Variants in HNF1A observed in about 807,000 individuals in gnomAD.
The protein encoded by HNF1A is hepatocyte nuclear factor 1-alpha.
Under a neutral mutation model 62.2 loss-of-function variants are expected in HNF1A, and 21 were observed. That is an observed-to-expected ratio of 0.34 (90% CI 0.24 to 0.49). HNF1A has a LOEUF of 0.49. Ranked by LOEUF, HNF1A falls within the 20% of genes least tolerant of loss-of-function variation. The pLI is 0.99. For missense variants in HNF1A, 687 were observed against 832.3 expected, an observed-to-expected ratio of 0.83 and a Z score of 2.15; for synonymous variants, 374 against 366.8, an observed-to-expected ratio of 1.02 and a Z score of -0.22.
Position 120,999,359 on chromosome 12 carries a change from C to T in HNF1A, c.1593C>T (p.Ser531=), listed in dbSNP as rs370300688. Residue 531 remains serine (S), a synonymous_variant, in exon 8 of 10, where the codon AGC becomes AGT. Transcript: ENST00000257555. ...TCATCACCGACACCACCAACCTGAG[C>T]GCCCTGGCCAGCCTCACGCCCACCA... ...TMLITDTTNL[S]ALASLTPTKQ... 113 of 1,614,078 alleles carry T rather than the reference C, an allele frequency of 7.0e-5. No individual in the cohort carries two copies. Among genetic ancestry groups the T allele is most frequent in the East Asian group, 1.6e-4 (7 of 44,882 alleles).
chr12:120,996,200 T>C lies in HNF1A; in HGVS notation c.956-62T>C. 14 of 1,593,580 alleles carry C rather than the reference T, an allele frequency of 8.8e-6. No individual in the cohort carries two copies. Among genetic ancestry groups the C allele is most frequent in the Non-Finnish European group, 1.2e-5 (14 of 1,163,896 alleles). ...CAATGGAGTTTGAAGTGCTGAGGGC[T>C]GTGGAGGCAGGGGAGGGCAGGGAAG... On this transcript the variant is annotated intron_variant, in intron 4 of 9. Coordinates refer to ENST00000257555, the MANE Select transcript of HNF1A (RefSeq NM_000545.8). This position sits in a 1 kb window ranked among gnomAD's most constrained non-coding sequence, Gnocchi z 4.5.
At position 120,978,757 on chromosome 12, in the gene HNF1A, G is replaced by T. The variant is rs1188743327; in HGVS notation, c.-12G>T. 1 of 1,612,220 alleles carries T rather than the reference G, an allele frequency of 6.2e-7. No homozygotes were observed. Among genetic ancestry groups the T allele is most frequent in the Non-Finnish European group, 8.5e-7 (1 of 1,179,608 alleles). ...GTGGACCCGGGCCGCGTGGCCCTGT[G>T]GCAGCCGAGCCATGGTTTCTAAACT... On this transcript the variant is annotated 5_prime_UTR_variant, in exon 1 of 10. Coordinates refer to ENST00000257555, the MANE Select transcript of HNF1A (RefSeq NM_000545.8).
chr12:120,983,039 C>G (rs1343342998), intron 1 of HNF1A, among the ~76,000 whole-genome samples: 1 of 152,212 alleles, frequency 6.6e-6, no homozygotes, highest in East Asian at 1.9e-4. Flanking sequence ...AGGTCTAAAG[C>G]CCCCACACTG....
At chr12:121,000,713 T>G (rs1231540884) in intron 9 of HNF1A, 1 of 357,076 alleles carries the variant, frequency 2.8e-6, no homozygotes, top group Non-Finnish European at 5.4e-6. Flanking sequence ...GCCAACTGAT[T>G]GTGGCATTAA....
rs533486812 is a variant in HNF1A, at chr12:121,001,352, G to A, written c.*160G>A. ...CTGCTCTGATGCATCAGAAAGGGAG[G>A]GCTCTGAGGCGCCCCAACCCGTGGA... On this transcript the variant is annotated 3_prime_UTR_variant, in exon 10 of 10. Transcript: ENST00000257555. 4 of 915,362 alleles carry A rather than the reference G, an allele frequency of 4.4e-6. No individual in the cohort carries two copies. The African/African-American group carries it at 4.9e-5, about 11-fold the overall frequency. 56.7% of individuals were successfully genotyped at this position (915,362 alleles called of 1,614,324 possible).
At chr12:120,992,258 C>T (rs1876877879) in intron 2 of HNF1A, among the ~76,000 whole-genome samples, 1 of 152,196 alleles carries the variant, frequency 6.6e-6, no homozygotes, top group Admixed American at 6.5e-5. Flanking sequence ...GACAGGCTCT[C>T]CTCATATAGG....
Position 121,002,505 on chromosome 12 carries a change from G to A in HNF1A, c.*1313G>A, listed in dbSNP as rs371649278. ...TTTTAGTAAAGTCAAGGAGAAATGC[G>A]GTGGAAACTTCTTGCTTGTCCACAA... is the stretch of plus-strand genomic sequence containing the variant. On this transcript the variant is annotated 3_prime_UTR_variant, in exon 10 of 10. Transcript: ENST00000257555. The A allele has an allele frequency of 2.2e-5, 11 of 509,888 alleles. No homozygotes were observed. The highest frequency in any genetic ancestry group is 8.8e-5 in the East Asian group (2 of 22,854). 31.6% of individuals were successfully genotyped at this position (509,888 alleles called of 1,614,324 possible). A position where few individuals can be genotyped will look rare whatever the true frequency, so the allele number is the denominator to read the frequency against.
In HNF1A at chr12:121,002,508, G is replaced by A; in HGVS notation, c.*1316G>A. The A allele has an allele frequency of 2.0e-6, 1 of 509,266 alleles. No homozygotes were observed. Among genetic ancestry groups the A allele is most frequent in the South Asian group, 1.5e-5 (1 of 65,010 alleles). The allele number at this position is 509,266 out of a possible 1,614,324, so 31.5% of individuals were successfully genotyped here. On this transcript the variant is annotated 3_prime_UTR_variant, in exon 10 of 10. Transcript: ENST00000257555. ...TAGTAAAGTCAAGGAGAAATGCGGTGGAAACTTCTTGCTTGTCCACAAATC... is the reference window on the plus strand; with the variant it reads ...TAGTAAAGTCAAGGAGAAATGCGGTAGAAACTTCTTGCTTGTCCACAAATC...
At chr12:120,979,995 G>C (rs921664039) in intron 1 of HNF1A, among the ~76,000 whole-genome samples, 1 of 152,048 alleles carries the variant, frequency 6.6e-6, no homozygotes, top group African/African-American at 2.4e-5. Context: ...ATGGCCTGGG[G>C]GCTACAGGGG....
intron 4 of HNF1A, 125 bp downstream of exon 4, chr12:120,994,530 CCTT>C (rs1355289913): frequency 1.9e-6 from 2 of 1,044,214 alleles, no homozygotes; most frequent in East Asian, 5.2e-5. Flanking sequence ...TCATGCCACT[CCTT>C]ATCACTCTAC....
At chr12:120,982,274 T>C (rs1248672059) in intron 1 of HNF1A, among the ~76,000 whole-genome samples, 1 of 152,148 alleles carries the variant, frequency 6.6e-6, no homozygotes, top group African/African-American at 2.4e-5. Flanking sequence ...TTCACTATGT[T>C]GGCCAGGCTG....
chr12:120,982,468 G>GC (rs1428393598), intron 1 of HNF1A, among the ~76,000 whole-genome samples: 1 of 151,966 alleles, frequency 6.6e-6, no homozygotes, highest in Non-Finnish European at 1.5e-5. Flanking sequence ...GGAGGGGGGG[G>GC]GGACAGAGGA....
Position 121,001,271 on chromosome 12 carries a change from C to G in HNF1A, c.*79C>G. 6.4e-7 allele frequency: 1 copy of G among 1,554,990 alleles called. No homozygotes were observed. Among genetic ancestry groups the G allele is most frequent in the Non-Finnish European group, 8.8e-7 (1 of 1,140,560 alleles). On this transcript the variant is annotated 3_prime_UTR_variant, in exon 10 of 10. Transcript: ENST00000257555. ...CAGCAGCCAGCCCTGCCTGGAGGACCTGAGCCTGCCGAGCAACCGTGGCCC... is the reference window on the plus strand; with the variant it reads ...CAGCAGCCAGCCCTGCCTGGAGGACGTGAGCCTGCCGAGCAACCGTGGCCC...
rs2135847321 is a variant in HNF1A, at chr12:120,997,475, C to T, written c.1311C>T (p.Gly437=). Residue 437 remains glycine (G), a splice_region_variant and synonymous_variant, in exon 7 of 10, where the codon GGC becomes GGT. Coordinates refer to ENST00000257555, the MANE Select transcript of HNF1A (RefSeq NM_000545.8). ...TNTGASTLVI[G]LASTQAQSVP... ...TGATTCCCTCCCCTTCCACTCCAGG[C>T]CTGGCCTCCACGCAGGCACAGAGTG... 6.2e-7 allele frequency: 1 copy of T among 1,605,192 alleles called. No individual in the cohort carries two copies. The highest frequency in any genetic ancestry group is 1.1e-5 in the South Asian group (1 of 90,642).
chr12:120,996,905 G>A lies in HNF1A; in HGVS notation c.1309+163G>A, dbSNP rs1265287115. 2 of 1,519,806 alleles carry A rather than the reference G, an allele frequency of 1.3e-6. No homozygotes were observed. Among genetic ancestry groups the A allele is most frequent in the African/African-American group, 2.8e-5 (2 of 72,470 alleles). 94.1% of individuals were successfully genotyped at this position (1,519,806 alleles called of 1,614,324 possible). A position where few individuals can be genotyped will look rare whatever the true frequency, so the allele number is the denominator to read the frequency against. Reference sequence around the variant, plus strand: ...TCACTGTGCTACATCAGTGATACCTGGGTGAACCAAACAGACCAAAATCTC... The same window carrying A: ...TCACTGTGCTACATCAGTGATACCTAGGTGAACCAAACAGACCAAAATCTC... On this transcript the variant is annotated intron_variant, in intron 6 of 9. Transcript: ENST00000257555. The surrounding 1 kb of genome is among the most constrained non-coding windows in gnomAD (Gnocchi z 4.5).
At chr12:120,980,147 C>A (rs1015242193) in intron 1 of HNF1A, among the ~76,000 whole-genome samples, 7 of 152,188 alleles carry the variant, frequency 4.6e-5, no homozygotes, top group Non-Finnish European at 1.5e-5. Flanking sequence ...CTATTGGTGA[C>A]TCTGCTTCAC....
At chr12:120,979,145 C>T (rs777861783) in intron 1 of HNF1A, 51 bp downstream of exon 1, 8 of 1,506,260 alleles carry the variant, frequency 5.3e-6, no homozygotes, top group East Asian at 2.4e-5. Context: ...GAGGGGCCCC[C>T]CTCAGCTCCT....
At position 120,996,232 on chromosome 12, in the gene HNF1A, G is replaced by C. The variant is rs773990071; in HGVS notation, c.956-30G>C. On this transcript the variant is annotated intron_variant, in intron 4 of 9. Transcript: ENST00000257555. This position sits in a 1 kb window ranked among gnomAD's most constrained non-coding sequence, Gnocchi z 4.5. ...GCAGGGGAGGGCAGGGAAGTGGGGT[G>C]CTGAGGCAGGACACTGCTTCCCTCT... 1 of 1,613,124 alleles carries C rather than the reference G, an allele frequency of 6.2e-7. No homozygotes were observed. The highest frequency in any genetic ancestry group is 8.5e-7 in the Non-Finnish European group (1 of 1,179,934).
Position 120,996,786 on chromosome 12 carries a change from G to A in HNF1A, c.1309+44G>A, listed in dbSNP as rs1593061145. On this transcript the variant is annotated intron_variant, in intron 6 of 9. Transcript: ENST00000257555. This position sits in a 1 kb window ranked among gnomAD's most constrained non-coding sequence, Gnocchi z 4.5. Reference sequence around the variant, plus strand: ...GTGGGCACCTGGGTGGGAGGCTCATGGGGCAACCGCAGAATCCAGGAGCTG... The same window carrying A: ...GTGGGCACCTGGGTGGGAGGCTCATAGGGCAACCGCAGAATCCAGGAGCTG... 1 of 1,606,798 alleles carries A rather than the reference G, an allele frequency of 6.2e-7. No homozygotes were observed. The highest frequency in any genetic ancestry group is 1.3e-5 in the African/African-American group (1 of 74,822).
Sources: gnomAD v4.1 joint callset for allele counts (sites outside exome capture counted in the v4.1 genomes callset) on GRCh38, gnomAD v4.1.1 for gene constraint, Gnocchi (gnomAD v3.1) non-coding constraint, MANE v1.5 for transcripts, NCBI Gene and HGNC (gene_info 2026-07-23, HGNC 2026-07-21) for gene names.